DDX39A: variants seen among roughly 807,000 people sequenced by gnomAD.
DDX39A encodes DExD-box helicase 39A.
DDX39A carries 13 observed loss-of-function variants against 46.3 expected under a neutral mutation model. The ratio of observed to expected loss-of-function variants is 0.28; its 90% CI spans 0.18 to 0.45. The LOEUF (loss-of-function observed/expected upper bound fraction) is 0.45. DDX39A is among the 20% of genes least tolerant of loss of function. The pLI is 1.00. For synonymous variants in DDX39A, 234 were observed against 224.6 expected, an observed-to-expected ratio of 1.04 and a Z score of -0.38; for missense variants, 352 against 581.8, an observed-to-expected ratio of 0.61 and a Z score of 4.06.
At position 14,409,092 on chromosome 19, in the gene DDX39A, G is replaced by T. The variant is rs1976433723; in HGVS notation, c.1212C>A (p.Asp404Glu). 6.2e-7 allele frequency: 1 copy of T among 1,614,190 alleles called. No individual in the cohort carries two copies. The highest frequency in any genetic ancestry group is 8.5e-7 in the Non-Finnish European group (1 of 1,180,038). The change falls in exon 10 of 11, where the codon GAC becomes GAA. Residue 404 changes from aspartate to glutamate, a missense_variant. Coordinates refer to ENST00000242776, the MANE Select transcript of DDX39A (RefSeq NM_005804.4). This position sits in a 1 kb window ranked among gnomAD's most constrained non-coding sequence, Gnocchi z 8.3. ...GTTCTGCCACATTAACTTCAAACCGGTCCTGGACGTCATTGAGGATTTTGG... is the reference window on the plus strand; with the variant it reads ...GTTCTGCCACATTAACTTCAAACCGTTCCTGGACGTCATTGAGGATTTTGG... ...NDAKILNDVQ[D>E]RFEVNVAELP...
chr19:14,409,357 G>T lies in DDX39A; in HGVS notation c.1065C>A (p.Val355=), dbSNP rs1359332982. The T allele has an allele frequency of 1.2e-6, 2 of 1,614,212 alleles. No homozygotes were observed. The highest frequency in any genetic ancestry group is 3.3e-5 in the Admixed American group (2 of 60,030). ...GCATGTCGTAGTTAAAGACGATGTT[G>T]ACTCGCTCGATGTCCATCCCCCGGC... The part of the protein sequence containing the change: ...LFGRGMDIER[V]NIVFNYDMPE... Residue 355 remains valine, a synonymous_variant, in exon 9 of 11, where the codon GTC becomes GTA. Transcript: ENST00000242776. The surrounding 1 kb of genome is among the most constrained non-coding windows in gnomAD (Gnocchi z 8.3).
In DDX39A at chr19:14,408,942, G is replaced by C. The variant is rs753145012; in HGVS notation, c.1278C>G (p.Ser426Arg). The C allele has an allele frequency of 6.3e-7, 1 of 1,597,484 alleles. No homozygotes were observed. Among genetic ancestry groups the C allele is most frequent in the Non-Finnish European group, 8.6e-7 (1 of 1,169,204 alleles). ...EIDISTYIEQ[S>R]R is the part of the protein sequence containing the mutation. ...CGGCTCTGGCACGTGGTGGTTACCG[G>C]CTCTGCTCGACTGTAAGACATGAGA... is the stretch of plus-strand genomic sequence containing the variant. Residue 426 changes from serine to arginine, a missense_variant, in exon 11 of 11, where the codon AGC becomes AGG. Physicochemically the swap from Ser to Arg is moderately radical, Grantham distance 110. Transcript: ENST00000242776.
rs370950904 is a variant in DDX39A at position 14,409,266 on chromosome 19, C to T, written c.1119+37G>A. 11 of 1,613,098 alleles carry T rather than the reference C, an allele frequency of 6.8e-6. No homozygotes were observed. The highest frequency in any genetic ancestry group is 9.3e-6 in the Non-Finnish European group (11 of 1,179,224). ...AAGCAGGGCTGGGGCCCCACCCCAC[C>T]GCCAGGGGAAAGCAACATGCCCGTG... is the stretch of plus-strand genomic sequence containing the variant. On this transcript the variant is annotated intron_variant, in intron 9 of 10. Coordinates refer to ENST00000242776, the MANE Select transcript of DDX39A (RefSeq NM_005804.4). The surrounding 1 kb of genome is among the most constrained non-coding windows in gnomAD (Gnocchi z 8.3).
In DDX39A at chr19:14,418,408, C is replaced by A. The variant is rs554124116; in HGVS notation, c.-5+862G>T. On this transcript the variant is annotated intron_variant, in intron 1 of 10. Transcript: ENST00000242776. ...AGTGTCCCCAGGCAGGCTTTCCACCCCGGAGTTTATTCCCACCTGGGGACT... is the reference window on the plus strand; with the variant it reads ...AGTGTCCCCAGGCAGGCTTTCCACCACGGAGTTTATTCCCACCTGGGGACT... Among the ~76,000 whole-genome samples the A allele has an allele frequency of 1.2e-4, 18 of 152,300 alleles. No individual in the cohort carries two copies. In the South Asian group the frequency reaches 1.9e-3, roughly 16 times the overall value.
In DDX39A at chr19:14,409,159, G is replaced by A; in HGVS notation, c.1145C>T (p.Thr382Ile). 1 of 1,614,166 alleles carries A rather than the reference G, an allele frequency of 6.2e-7. No homozygotes were observed. The highest frequency in any genetic ancestry group is 8.5e-7 in the Non-Finnish European group (1 of 1,180,034). ...CACAAAAGTGATGGCTAGGCCTTTG[G>A]TGCCAAAGCGACCCGCCCGGGCCAC... ...HRVARAGRFG[T>I]KGLAITFVSD... The change falls in exon 10 of 11, where the codon ACC (threonine) becomes ATC (isoleucine). Residue 382 changes from threonine to isoleucine, a missense_variant. Transcript: ENST00000242776. This position sits in a 1 kb window ranked among gnomAD's most constrained non-coding sequence, Gnocchi z 8.3.
Position 14,409,522 on chromosome 19 carries a change from C to T in DDX39A, c.974+14G>A, listed in dbSNP as rs2302994. 7.6e-4 allele frequency: 1,226 copies of T among 1,607,496 alleles called. 21 individuals are homozygous for T. The East Asian group carries it at 0.019, about 25-fold the overall frequency. On this transcript the variant is annotated intron_variant, in intron 8 of 10. Coordinates refer to ENST00000242776, the MANE Select transcript of DDX39A (RefSeq NM_005804.4). This position sits in a 1 kb window ranked among gnomAD's most constrained non-coding sequence, Gnocchi z 8.3. The stretch of plus-strand genomic sequence containing the variant: ...TGGTGCTCCCTGCAGCCTTGGCGGG[C>T]GGCTCGCACTCACCGCTCCTCCTGG...
At chr19:14,419,129 C>A (rs954381137) in intron 1 of DDX39A, 141 bp downstream of exon 1, 1 of 374,496 alleles carries the variant, frequency 2.7e-6, no homozygotes, top group South Asian at 1.9e-5. Flanking sequence ...ACACAGCGCT[C>A]TGACACACCA....
chr19:14,412,752 G>T lies in DDX39A; in HGVS notation c.209-74C>A, dbSNP rs1161333705. The T allele has an allele frequency of 6.5e-7, 1 of 1,535,264 alleles. No homozygotes were observed. Among genetic ancestry groups the T allele is most frequent in the African/African-American group, 1.4e-5 (1 of 73,420 alleles). On this transcript the variant is annotated intron_variant, in intron 2 of 10. Transcript: ENST00000242776. This position sits in a 1 kb window ranked among gnomAD's most constrained non-coding sequence, Gnocchi z 4.4. Reference sequence around the variant, plus strand: ...TGCAGGATCCTCACCAGTTGACCGGGGGCCCACAGTGAGGGCAATCAGAAG... The same window carrying T: ...TGCAGGATCCTCACCAGTTGACCGGTGGCCCACAGTGAGGGCAATCAGAAG...
In DDX39A at chr19:14,410,822, G is replaced by C; in HGVS notation, c.613+167C>G. On this transcript the variant is annotated intron_variant, in intron 5 of 10. Coordinates refer to ENST00000242776, the MANE Select transcript of DDX39A (RefSeq NM_005804.4). The surrounding 1 kb of genome is among the most constrained non-coding windows in gnomAD (Gnocchi z 4.3). ...GGGCCCCGTGGTCCCATTCGGCTCG[G>C]GCTCAGAAACAGCACATCCCTCTGC... The C allele has an allele frequency of 1.5e-6, 1 of 661,086 alleles. No homozygotes were observed. The highest frequency in any genetic ancestry group is 2.3e-5 in the South Asian group (1 of 43,466). 41.0% of individuals were successfully genotyped at this position (661,086 alleles called of 1,614,324 possible). A position where few individuals can be genotyped will look rare whatever the true frequency, so the allele number is the denominator to read the frequency against.
rs753287444 is a variant in DDX39A, at chr19:14,410,291, G to A, written c.657C>T (p.His219=). The change falls in exon 6 of 11, where the codon CAC becomes CAT. Residue 219 remains histidine (H), a synonymous_variant. Transcript: ENST00000242776. The surrounding 1 kb of genome is among the most constrained non-coding windows in gnomAD (Gnocchi z 4.3). ...DVQEIFRLTP[H]EKQCMMFSAT... Reference sequence around the variant, plus strand: ...CGCTGAACATCATGCACTGCTTCTCGTGTGGTGTCAGGCGGAAGATCTCCT... The same window carrying A: ...CGCTGAACATCATGCACTGCTTCTCATGTGGTGTCAGGCGGAAGATCTCCT... 9.3e-6 allele frequency: 15 copies of A among 1,613,990 alleles called. No individual in the cohort carries two copies. Among genetic ancestry groups the A allele is most frequent in the Middle Eastern group, 1.6e-4 (1 of 6,084 alleles).
At position 14,408,906 on chromosome 19, in the gene DDX39A, C is replaced by A; in HGVS notation, c.*30G>T. On this transcript the variant is annotated 3_prime_UTR_variant, in exon 11 of 11. Coordinates refer to ENST00000242776, the MANE Select transcript of DDX39A (RefSeq NM_005804.4). Reference sequence around the variant, plus strand: ...GGGAGGTGAAGCTGCATGCGGGCGGCTCCGGGTGGGCGGCTCTGGCACGTG... The same window carrying A: ...GGGAGGTGAAGCTGCATGCGGGCGGATCCGGGTGGGCGGCTCTGGCACGTG... 6.4e-7 allele frequency: 1 copy of A among 1,569,412 alleles called. No individual in the cohort carries two copies. Among genetic ancestry groups the A allele is most frequent in the Non-Finnish European group, 8.7e-7 (1 of 1,155,778 alleles).
intron 1 of DDX39A, 51 bp downstream of exon 1, chr19:14,419,219 C>T (rs1976949252): frequency 3.0e-6 from 1 of 329,424 alleles, no homozygotes; most frequent in Non-Finnish European, 6.0e-6. Flanking sequence ...CTCTCGCTCT[C>T]AGTTCAGACG....
chr19:14,415,501 T>G (rs1180703239), intron 1 of DDX39A, among the ~76,000 whole-genome samples: 1 of 151,950 alleles, frequency 6.6e-6, no homozygotes, highest in Non-Finnish European at 1.5e-5. Flanking sequence ...TTCACCATGT[T>G]GCCCAAGCTG....
Position 14,410,605 on chromosome 19 carries a change from C to T in DDX39A, c.614-271G>A. The T allele has an allele frequency of 1.9e-6, 1 of 531,330 alleles. No individual in the cohort carries two copies. Among genetic ancestry groups the T allele is most frequent in the East Asian group, 3.3e-5 (1 of 30,196 alleles). The allele number at this position is 531,330 out of a possible 1,614,324, so 32.9% of individuals were successfully genotyped here. ...TCGAGCCACGCTTCAGGGAGGGGAG[C>T]CTGAGGCAGAGACAGCCGCTGGGGT... On this transcript the variant is annotated intron_variant, in intron 5 of 10. Transcript: ENST00000242776. The surrounding 1 kb of genome is among the most constrained non-coding windows in gnomAD (Gnocchi z 4.3).
rs150031468 is a variant in DDX39A at position 14,412,127 on chromosome 19, G to C, written c.336+424C>G. On this transcript the variant is annotated intron_variant, in intron 3 of 10. Coordinates refer to ENST00000242776, the MANE Select transcript of DDX39A (RefSeq NM_005804.4). The surrounding 1 kb of genome is among the most constrained non-coding windows in gnomAD (Gnocchi z 4.4). ...ACTGAAGTGTCTCCCCAGGACAGTGGCACACAAGACAATGGGAGAAGACAG... is the reference window on the plus strand; with the variant it reads ...ACTGAAGTGTCTCCCCAGGACAGTGCCACACAAGACAATGGGAGAAGACAG... 1.3e-5 allele frequency among the ~76,000 whole-genome samples: 2 copies of C among 152,312 alleles called. No individual in the cohort carries two copies. The highest frequency in any genetic ancestry group is 2.9e-5 in the Non-Finnish European group (2 of 68,030).
At position 14,410,549 on chromosome 19, in the gene DDX39A, C is replaced by T. The variant is rs963167138; in HGVS notation, c.614-215G>A. ...CGGGAGGAGCTGCAATCCACTTACA[C>T]GCTGGCGCGGAGCAGCCGTGCCCGT... On this transcript the variant is annotated intron_variant, in intron 5 of 10. Coordinates refer to ENST00000242776, the MANE Select transcript of DDX39A (RefSeq NM_005804.4). The surrounding 1 kb of genome is among the most constrained non-coding windows in gnomAD (Gnocchi z 4.3). 11 of 579,024 alleles carry T rather than the reference C, an allele frequency of 1.9e-5. No homozygotes were observed. Among genetic ancestry groups the T allele is most frequent in the Non-Finnish European group, 2.5e-5 (8 of 321,446 alleles). 35.9% of individuals were successfully genotyped at this position (579,024 alleles called of 1,614,324 possible). A position where few individuals can be genotyped will look rare whatever the true frequency, so the allele number is the denominator to read the frequency against.
Position 14,410,179 on chromosome 19 carries a change from T to G in DDX39A, c.732+37A>C, listed in dbSNP as rs773232110. The G allele has an allele frequency of 6.3e-7, 1 of 1,590,500 alleles. No individual in the cohort carries two copies. The highest frequency in any genetic ancestry group is 1.7e-5 in the Admixed American group (1 of 59,968). On this transcript the variant is annotated intron_variant, in intron 6 of 10. Transcript: ENST00000242776. The surrounding 1 kb of genome is among the most constrained non-coding windows in gnomAD (Gnocchi z 4.3). ...CCTGGGGCCCCAGGCTCCAGGCCCC[T>G]GGGGAAGGCCAAAGCTGCCACTCTC...
Position 14,412,374 on chromosome 19 carries a change from G to T in DDX39A, c.336+177C>A. The T allele has an allele frequency of 1.5e-6, 1 of 688,784 alleles. No homozygotes were observed. The allele number at this position is 688,784 out of a possible 1,614,324, so 42.7% of individuals were successfully genotyped here. On this transcript the variant is annotated intron_variant, in intron 3 of 10. Transcript: ENST00000242776. The surrounding 1 kb of genome is among the most constrained non-coding windows in gnomAD (Gnocchi z 4.4). Reference sequence around the variant, plus strand: ...GATGGAGTCTACCTCTGCCACCCAGGCTGGAGTGCAGTGGTGTGATCATAG... The same window carrying T: ...GATGGAGTCTACCTCTGCCACCCAGTCTGGAGTGCAGTGGTGTGATCATAG...
In DDX39A at chr19:14,410,890, T is replaced by C; in HGVS notation, c.613+99A>G. 1 of 1,153,328 alleles carries C rather than the reference T, an allele frequency of 8.7e-7. No homozygotes were observed. The highest frequency in any genetic ancestry group is 1.2e-6 in the Non-Finnish European group (1 of 844,112). The allele number at this position is 1,153,328 out of a possible 1,614,324, so 71.4% of individuals were successfully genotyped here. ...CCAAGATCACCACAGGAGCCCCGCC[T>C]GCCGGCCGCCCATGTAACCCACTCA... On this transcript the variant is annotated intron_variant, in intron 5 of 10. Transcript: ENST00000242776. The surrounding 1 kb of genome is among the most constrained non-coding windows in gnomAD (Gnocchi z 4.3).
Sources: allele counts gnomAD v4.1 joint callset (sites outside exome capture counted in the v4.1 genomes callset), GRCh38; gene constraint gnomAD v4.1.1; non-coding constraint Gnocchi (gnomAD v3.1); transcripts MANE v1.5; gene names NCBI Gene and HGNC (gene_info 2026-07-23, HGNC 2026-07-21).